DLG1: variants seen among roughly 807,000 people sequenced by gnomAD.
DLG1 encodes discs large MAGUK scaffold protein 1.
Under a neutral mutation model 123.4 loss-of-function variants are expected in DLG1, and 42 were observed. The observed-to-expected ratio is 0.34, with a 90% confidence interval of 0.27 to 0.44. The LOEUF is 0.44. DLG1 is among the 20% of genes least tolerant of loss of function. The pLI, the probability that DLG1 is intolerant of heterozygous loss-of-function variation, is 1.00. For synonymous variants in DLG1, 317 were observed against 356.2 expected (o/e 0.89, Z 1.24); for missense variants, 942 against 1,082.6 (o/e 0.87, Z 1.82).
chr3:197,272,698 A>G (rs1411470447), intron 4 of DLG1, among the ~76,000 whole-genome samples: 1 of 152,244 alleles, frequency 6.6e-6, no homozygotes, highest in Admixed American at 6.5e-5. Flanking sequence ...ACCTACATAG[A>G]TGAAATGCAC....
chr3:197,285,213 G>A (rs1351888081), intron 3 of DLG1, among the ~76,000 whole-genome samples: 1 of 152,110 alleles, frequency 6.6e-6, no homozygotes, highest in Non-Finnish European at 1.5e-5. Flanking sequence ...CAAAGGGGGT[G>A]AGGAATGGGA....
intron 24 of DLG1, among the ~76,000 whole-genome samples, chr3:197,050,365 T>TA (rs1309317093): frequency 3.3e-5 from 4 of 122,928 alleles, no homozygotes; most frequent in Non-Finnish European, 5.4e-5. Context: ...AGACTCCATT[T>TA]CAAAAAAAAA....
intron 11 of DLG1, among the ~76,000 whole-genome samples, chr3:197,123,009 G>A (rs1341842825): frequency 1.3e-5 from 2 of 152,148 alleles, no homozygotes; most frequent in East Asian, 3.9e-4. Context: ...GAAGAGCCTA[G>A]AAATAGGTTC....
intron 13 of DLG1, among the ~76,000 whole-genome samples, chr3:197,108,068 A>G (rs954379838): frequency 6.6e-6 from 1 of 152,170 alleles, no homozygotes; most frequent in African/African-American, 2.4e-5. Context: ...CTACTGAGAT[A>G]TCATGTGCTT....
At chr3:197,211,502 A>C (rs1731256101) in intron 4 of DLG1, among the ~76,000 whole-genome samples, 1 of 146,824 alleles carries the variant, frequency 6.8e-6, no homozygotes, top group African/African-American at 2.4e-5. Context: ...CAATCAATAA[A>C]TGTGATTCAT....
chr3:197,263,713 G>A (rs1760520342), intron 4 of DLG1, among the ~76,000 whole-genome samples: 1 of 151,002 alleles, frequency 6.6e-6, no homozygotes, highest in Non-Finnish European at 1.5e-5. Flanking sequence ...CTTGAACACA[G>A]GAGGTGGACA....
At position 197,297,241 on chromosome 3, in the gene DLG1, A is replaced by T; in HGVS notation, c.-31-6T>A. 1 of 1,613,936 alleles carries T rather than the reference A, an allele frequency of 6.2e-7. No homozygotes were observed. The highest frequency in any genetic ancestry group is 2.2e-5 in the East Asian group (1 of 44,874). ...ATCAGGAAGAGGGCACACACCTTTA[A>T]AACACACAACGGAAAGGAAAAAGGA... On this transcript the variant is annotated splice_polypyrimidine_tract_variant and splice_region_variant and intron_variant, in intron 1 of 24. Coordinates refer to ENST00000667157, the MANE Select transcript of DLG1 (RefSeq NM_001366207.1).
chr3:197,234,024 A>C (rs1179515868), intron 4 of DLG1, among the ~76,000 whole-genome samples: 2 of 152,194 alleles, frequency 1.3e-5, no homozygotes, highest in Non-Finnish European at 2.9e-5. Flanking sequence ...TCCCCAAAAA[A>C]CGAAATAGAT....
chr3:197,067,952 A>G (rs1358579940), intron 19 of DLG1, among the ~76,000 whole-genome samples: 2 of 152,174 alleles, frequency 1.3e-5, no homozygotes, highest in African/African-American at 4.8e-5. Context: ...TGGTTCAATG[A>G]AAGCAATCAA....
intron 4 of DLG1, among the ~76,000 whole-genome samples, chr3:197,265,973 C>G (rs2150999112): frequency 6.6e-6 from 1 of 152,256 alleles, no homozygotes; most frequent in South Asian, 2.1e-4. Context: ...TCACTTGAAC[C>G]CAGGAAGCGG....
intron 4 of DLG1, among the ~76,000 whole-genome samples, chr3:197,219,292 G>A (rs542706041): frequency 5.3e-5 from 8 of 152,258 alleles, no homozygotes; most frequent in Admixed American, 2.0e-4. Flanking sequence ...AGGCTACAAT[G>A]ACTTTCTTAA....
chr3:197,188,167 A>C (rs1717199258), intron 5 of DLG1, among the ~76,000 whole-genome samples: 1 of 152,186 alleles, frequency 6.6e-6, no homozygotes, highest in African/African-American at 2.4e-5. Flanking sequence ...ATGCACCCTA[A>C]GTATCAGCAA....
chr3:197,077,717 C>A (rs1027972161), intron 17 of DLG1, among the ~76,000 whole-genome samples: 5 of 152,116 alleles, frequency 3.3e-5, no homozygotes, highest in African/African-American at 1.2e-4. Context: ...TTTGTGCATT[C>A]ATAGATTTAA....
intron 10 of DLG1, among the ~76,000 whole-genome samples, chr3:197,135,271 C>G (rs552141939): frequency 1.3e-5 from 2 of 152,270 alleles, no homozygotes; most frequent in African/African-American, 4.8e-5. Flanking sequence ...CAAATGTCAT[C>G]CTGAATTGTA....
chr3:197,060,090 C>A, intron 22 of DLG1, 92 bp from the exon 23 acceptor site: 2 of 843,448 alleles, frequency 2.4e-6, no homozygotes, highest in Non-Finnish European at 1.9e-6. Flanking sequence ...CAGTCTAAAT[C>A]ATGATCTGTT....
At chr3:197,131,581 TTTC>T (rs1560911508) in intron 10 of DLG1, among the ~76,000 whole-genome samples, 11 of 102,568 alleles carry the variant, frequency 1.1e-4, no homozygotes, top group African/African-American at 2.4e-4. Flanking sequence ...TATTTCTTCC[TTTC>T]TTTTTTTTTT....
chr3:197,241,692 G>T (rs1748958308), intron 4 of DLG1, among the ~76,000 whole-genome samples: 1 of 152,208 alleles, frequency 6.6e-6, no homozygotes, highest in East Asian at 1.9e-4. Flanking sequence ...ATTCTTAGAG[G>T]GAGGGATGAA....
At chr3:197,162,752 A>C (rs1303419970) in intron 5 of DLG1, among the ~76,000 whole-genome samples, 1 of 152,236 alleles carries the variant, frequency 6.6e-6, no homozygotes, top group Non-Finnish European at 1.5e-5. Flanking sequence ...AGATTTGAAA[A>C]CATAAAACTC....
At chr3:197,058,767 C>A (rs1441167097) in intron 23 of DLG1, among the ~76,000 whole-genome samples, 1 of 152,088 alleles carries the variant, frequency 6.6e-6, no homozygotes, top group Admixed American at 6.6e-5. Flanking sequence ...TATTTGTTTT[C>A]TTATTTAATT....
Sources: gnomAD v4.1 joint callset for allele counts (sites outside exome capture counted in the v4.1 genomes callset) on GRCh38, gnomAD v4.1.1 for gene constraint, MANE v1.5 for transcripts, NCBI Gene and HGNC (gene_info 2026-07-23, HGNC 2026-07-21) for gene names.